Variants in GBE1 observed in about 807,000 individuals in gnomAD.
The protein encoded by GBE1 is 1,4-alpha-glucan-branching enzyme.
A neutral mutation model predicts 88.8 loss-of-function variants in GBE1; 70 were observed. The observed-to-expected ratio is 0.79, with a 90% confidence interval of 0.65 to 0.96. The LOEUF is 0.96. Among genes scored for constraint, GBE1 ranks in the 40% least tolerant of loss-of-function variants. The pLI, the probability that GBE1 is intolerant of heterozygous loss-of-function variation, is 0.00. For missense variants in GBE1, 872 were observed against 871.0 expected (o/e 1.00, Z -0.01); for synonymous variants, 284 against 300.1 (o/e 0.95, Z 0.56).
chr3:81,675,858 A>G (rs1408827152), intron 2 of GBE1, among the ~76,000 whole-genome samples: 1 of 152,092 alleles, frequency 6.6e-6, no homozygotes, highest in African/African-American at 2.4e-5. Flanking sequence ...AGTAAAGAAA[A>G]CCTGATACAG....
intron 7 of GBE1, among the ~76,000 whole-genome samples, chr3:81,638,066 A>T (rs994103413): frequency 1.3e-5 from 2 of 152,110 alleles, no homozygotes; most frequent in African/African-American, 4.8e-5. Context: ...ACTAACTTGT[A>T]GAAAATGCCC....
chr3:81,495,547 CT>C (rs759043830), intron 15 of GBE1, among the ~76,000 whole-genome samples: 2 of 151,902 alleles, frequency 1.3e-5, no homozygotes, highest in East Asian at 3.8e-4. Context: ...TCATAAAATA[CT>C]TTTCTAAGAA....
chr3:81,547,916 G>A (rs1206544029), intron 12 of GBE1, among the ~76,000 whole-genome samples: 3 of 151,176 alleles, frequency 2.0e-5, no homozygotes, highest in Admixed American at 6.6e-5. Flanking sequence ...TACAAACTTC[G>A]CTGCAGGTCC....
chr3:81,684,406 T>C (rs1170197740), intron 2 of GBE1, among the ~76,000 whole-genome samples: 2 of 152,176 alleles, frequency 1.3e-5, no homozygotes, highest in Non-Finnish European at 2.9e-5. Context: ...GCTTTGGAAG[T>C]CTAAGATCAG....
Position 81,761,505 on chromosome 3 carries a change from T to A in GBE1, c.13A>T (p.Met5Leu). The part of the protein sequence containing the change: MAAP[M>L]TPAARPEDYE... ...TCCTCGGGCCGAGCCGCGGGAGTCA[T>A]CGGAGCCGCCATATTCCGCCGCAGT... is the stretch of plus-strand genomic sequence containing the variant. The change falls in exon 1 of 16, where the codon ATG becomes TTG. Residue 5 changes from methionine (M) to leucine (L), a missense_variant. By Grantham distance (15) the Met-to-Leu change is conservative. Transcript: ENST00000429644. 6.2e-7 allele frequency: 1 copy of A among 1,602,566 alleles called. No homozygotes were observed. The highest frequency in any genetic ancestry group is 8.5e-7 in the Non-Finnish European group (1 of 1,176,266).
rs1330514211 is a variant in GBE1 at position 81,670,840 on chromosome 3, T to C, written c.427A>G (p.Lys143Glu). 4 of 1,508,054 alleles carry C rather than the reference T, an allele frequency of 2.7e-6. No individual in the cohort carries two copies. The highest frequency in any genetic ancestry group is 3.6e-6 in the Non-Finnish European group (4 of 1,122,846). 93.4% of individuals were successfully genotyped at this position (1,508,054 alleles called of 1,614,324 possible). ...AAAAATAGGAGGGAGGAAAGTACCTTTAATTTGGATCCATGAGGCACGAGT... is the reference window on the plus strand; with the variant it reads ...AAAAATAGGAGGGAGGAAAGTACCTCTAATTTGGATCCATGAGGCACGAGT... ...SVLVPHGSKL[K>E]VVITSKSGEI... The change falls in exon 3 of 16, where the codon AAG (lysine) becomes GAG (glutamate). Residue 143 changes from lysine (K) to glutamate (E), a missense_variant and splice_region_variant. Coordinates refer to ENST00000429644, the MANE Select transcript of GBE1 (RefSeq NM_000158.4).
intron 13 of GBE1, among the ~76,000 whole-genome samples, chr3:81,535,617 A>T (rs1703065068): frequency 6.6e-6 from 1 of 152,032 alleles, no homozygotes; most frequent in African/African-American, 2.4e-5. Flanking sequence ...GTACCTATAC[A>T]TACTACAAAG....
At chr3:81,575,900 T>C (rs1374210207) in intron 12 of GBE1, among the ~76,000 whole-genome samples, 1 of 152,212 alleles carries the variant, frequency 6.6e-6, no homozygotes, top group Non-Finnish European at 1.5e-5. Flanking sequence ...AAAAAAATGC[T>C]GTAGTTTTCA....
chr3:81,628,528 C>T (rs1482711173), intron 7 of GBE1, among the ~76,000 whole-genome samples: 2 of 151,688 alleles, frequency 1.3e-5, no homozygotes, highest in African/African-American at 4.8e-5. Context: ...GGCAAAATGC[C>T]AAAGAGCCAG....
intron 3 of GBE1, among the ~76,000 whole-genome samples, chr3:81,659,950 C>T (rs1357859402): frequency 1.3e-5 from 2 of 152,148 alleles, no homozygotes; most frequent in Non-Finnish European, 2.9e-5. Context: ...GGTTGGAACA[C>T]TATCATTCTT....
At chr3:81,498,501 A>C (rs1268612155) in intron 15 of GBE1, among the ~76,000 whole-genome samples, 2 of 152,180 alleles carry the variant, frequency 1.3e-5, no homozygotes, top group African/African-American at 4.8e-5. Flanking sequence ...AAAGAATTTA[A>C]ACATAGTAGT....
At chr3:81,562,362 G>C (rs1703432289) in intron 12 of GBE1, among the ~76,000 whole-genome samples, 1 of 152,002 alleles carries the variant, frequency 6.6e-6, no homozygotes, top group Non-Finnish European at 1.5e-5. Flanking sequence ...ACTGTAGTTA[G>C]AGCTGCACCA....
Position 81,590,983 on chromosome 3 carries a change from C to A in GBE1, c.1236+54G>T, listed in dbSNP as rs1184883283. 1.0e-5 allele frequency: 15 copies of A among 1,488,382 alleles called. No individual in the cohort carries two copies. In the African/African-American group the frequency reaches 1.1e-4, roughly 11 times the overall value. 92.2% of individuals were successfully genotyped at this position (1,488,382 alleles called of 1,614,324 possible). ...TGATTAATCAAATACTGTATGCTGA[C>A]AAAATACTCTCTATTAAAGGGGGTC... On this transcript the variant is annotated intron_variant, in intron 9 of 15. Transcript: ENST00000429644.
intron 7 of GBE1, among the ~76,000 whole-genome samples, chr3:81,616,513 T>A (rs370827937): frequency 6.6e-6 from 1 of 152,150 alleles, no homozygotes; most frequent in Non-Finnish European, 1.5e-5. Context: ...CGTGCATATT[T>A]GCGTAGGTCT....
rs185814373 is a variant in GBE1 at position 81,647,198 on chromosome 3, T to C, written c.692-716A>G. On this transcript the variant is annotated intron_variant, in intron 5 of 15. Transcript: ENST00000429644. ...GTCTCGAACTCCTGACCTCAGGTGA[T>C]CCACCCACCTCAGCCTCCCAAAGTG... 8.1e-3 allele frequency among the ~76,000 whole-genome samples: 1,238 copies of C among 152,252 alleles called. 13 individuals are homozygous for C. Among genetic ancestry groups the C allele is most frequent in the African/African-American group, 0.028 (1,183 of 41,534 alleles).
intron 14 of GBE1, among the ~76,000 whole-genome samples, chr3:81,523,477 C>CT (rs747807546): frequency 6.6e-6 from 1 of 151,374 alleles, no homozygotes; most frequent in African/African-American, 2.4e-5. Context: ...AGCATTTATC[C>CT]TTTTTTTGTG....
At chr3:81,580,581 G>T (rs961882721) in intron 11 of GBE1, among the ~76,000 whole-genome samples, 3 of 152,064 alleles carry the variant, frequency 2.0e-5, no homozygotes, top group African/African-American at 7.2e-5. Flanking sequence ...GCTGGAAACC[G>T]GCTTGAGCCA....
At chr3:81,513,449 T>C (rs924743237) in intron 14 of GBE1, among the ~76,000 whole-genome samples, 4 of 151,216 alleles carry the variant, frequency 2.6e-5, no homozygotes, top group African/African-American at 9.7e-5. Context: ...AACAAAACAC[T>C]ATGTGCTAGA....
intron 12 of GBE1, among the ~76,000 whole-genome samples, chr3:81,555,083 T>G (rs1251433847): frequency 1.3e-5 from 2 of 152,204 alleles, no homozygotes; most frequent in Non-Finnish European, 2.9e-5. Context: ...ACTGTGAACT[T>G]CTTCCCACAA....
Sources: gnomAD v4.1 joint callset for allele counts (sites outside exome capture counted in the v4.1 genomes callset) on GRCh38, gnomAD v4.1.1 for gene constraint, MANE v1.5 for transcripts, NCBI Gene and HGNC (gene_info 2026-07-23, HGNC 2026-07-21) for gene names.